Variants in CLCN4 observed in about 807,000 individuals in gnomAD.
CLCN4 encodes the protein Cl-/H+ antiporter 4.
A neutral mutation model predicts 41.7 loss-of-function variants in CLCN4; 1 was observed. The observed-to-expected ratio is 0.02, with a 90% CI of 0.01 to 0.11. CLCN4 has a LOEUF of 0.11. CLCN4 is among the 10% of genes least tolerant of loss of function. The probability of loss-of-function intolerance (pLI) is 1.00; values close to 1 mark genes in which losing one functional copy is unlikely to be tolerated. For missense variants in CLCN4, 287 were observed against 661.0 expected, an observed-to-expected ratio of 0.43 and a Z score of 6.20; for synonymous variants, 277 against 285.8, an observed-to-expected ratio of 0.97 and a Z score of 0.31.
chrX:10,169,429 G>T (rs932741143), intron 2 of CLCN4, among the ~76,000 whole-genome samples: 12 of 111,152 alleles, frequency 1.1e-4, no homozygotes, highest in African/African-American at 3.9e-4. Flanking sequence ...GATATCAGGA[G>T]GACACCTGTT....
intron 2 of CLCN4, among the ~76,000 whole-genome samples, chrX:10,168,148 C>T (rs1054876203): frequency 3.6e-5 from 4 of 112,139 alleles, no homozygotes; most frequent in African/African-American, 1.3e-4. Flanking sequence ...AAATGGGCAA[C>T]GGTCTGTATT....
intron 4 of CLCN4, among the ~76,000 whole-genome samples, chrX:10,189,790 G>A (rs1165881384): frequency 8.9e-6 from 1 of 112,117 alleles, no homozygotes; most frequent in African/African-American, 3.3e-5. Flanking sequence ...AGAAGTCACC[G>A]CTAGGTGTCA....
intron 2 of CLCN4, among the ~76,000 whole-genome samples, chrX:10,161,960 C>T (rs1362195949): frequency 4.6e-5 from 5 of 107,580 alleles, no homozygotes; most frequent in African/African-American, 1.7e-4. Context: ...GACCCGCTGA[C>T]GGTGTGAGGG....
rs923729645 is a variant in CLCN4 at position 10,205,607 on chromosome X, CTTTTTTTTT to C, written c.556-741_556-733del. ...TGGCATATTTTGGGGTGGCATATTCCTTTTTTTTTTTTTTTTTTGAAACAGGATCTTGCT... is the reference window on the plus strand; with the variant it reads ...TGGCATATTTTGGGGTGGCATATTCCTTTTTTTTTGAAACAGGATCTTGCT... On this transcript the variant is annotated intron_variant, in intron 6 of 12. Coordinates refer to ENST00000380833, the MANE Select transcript of CLCN4 (RefSeq NM_001830.4). Among the ~76,000 whole-genome samples the C allele has an allele frequency of 1.8e-3, 162 of 90,623 alleles. 1 individual carries two copies. Among genetic ancestry groups the C allele is most frequent in the Non-Finnish European group, 3.0e-3 (137 of 45,888 alleles). The allele number at this position is 90,623 out of a possible 115,157, so 78.7% of individuals were successfully genotyped here. A position where few individuals can be genotyped will look rare whatever the true frequency, so the allele number is the denominator to read the frequency against.
At chrX:10,169,787 T>TTTC (rs1395224655) in intron 2 of CLCN4, among the ~76,000 whole-genome samples, 2 of 53,168 alleles carry the variant, frequency 3.8e-5, no homozygotes, top group Admixed American at 1.9e-4. Flanking sequence ...TTTTCTTTTC[T>TTTC]TTTCTTTTTT....
intron 4 of CLCN4, among the ~76,000 whole-genome samples, chrX:10,188,969 G>A (rs5934805): frequency 0.17 from 18,386 of 111,276 alleles, 1,824 homozygotes; most frequent in East Asian, 0.82. Context: ...CTGTCTGTCC[G>A]TTTCTCCAAG....
intron 5 of CLCN4, among the ~76,000 whole-genome samples, chrX:10,196,538 C>CTTTTTTTTTTTTT (rs141362799): frequency 1.2e-5 from 1 of 80,914 alleles, no homozygotes; most frequent in African/African-American, 4.9e-5. Context: ...CCCTTCCCCA[C>CTTTTTTTTTTTTT]TTTTTTTTTT....
chrX:10,189,477 A>G (rs926881613), intron 4 of CLCN4, among the ~76,000 whole-genome samples: 2 of 111,783 alleles, frequency 1.8e-5, no homozygotes, highest in African/African-American at 6.5e-5. Context: ...CTGTGATTGT[A>G]ATGTGCAGCC....
intron 2 of CLCN4, among the ~76,000 whole-genome samples, chrX:10,168,479 A>T (rs1258623282): frequency 8.9e-6 from 1 of 112,074 alleles, no homozygotes; most frequent in Non-Finnish European, 1.9e-5. Flanking sequence ...GCAAGAGAGG[A>T]TGCAATGGGT....
chrX:10,208,979 CAGTT>C (rs1227373953), intron 9 of CLCN4, among the ~76,000 whole-genome samples: 1 of 111,481 alleles, frequency 9.0e-6, no homozygotes, highest in African/African-American at 3.3e-5. Context: ...AGGTTTGGCT[CAGTT>C]TGGCTCATTA....
At chrX:10,190,453 C>T (rs1254050810) in intron 4 of CLCN4, among the ~76,000 whole-genome samples, 1 of 110,982 alleles carries the variant, frequency 9.0e-6, no homozygotes, top group Non-Finnish European at 1.9e-5. Context: ...TTTGTTTTTC[C>T]TGTGGAAAAA....
At chrX:10,218,152 T>A (rs1924775724) in intron 11 of CLCN4, among the ~76,000 whole-genome samples, 1 of 112,124 alleles carries the variant, frequency 8.9e-6, no homozygotes, top group Non-Finnish European at 1.9e-5. Flanking sequence ...TAACTATTTT[T>A]AAAACATTTA....
rs1487692730 is a variant in CLCN4 at position 10,220,842 on chromosome X, A to G, written c.2157A>G (p.Lys719=). The G allele has an allele frequency of 2.5e-6, 3 of 1,211,865 alleles. No individual in the cohort carries two copies. The highest frequency in any genetic ancestry group is 3.4e-6 in the Non-Finnish European group (3 of 895,403). The stretch of plus-strand genomic sequence containing the variant: ...AAACGGTGGTGGATATCTTCCGGAA[A>G]CTGGGGCTTCGGCAGTGCCTGGTGA... The part of the protein sequence containing the change: ...PMETVVDIFR[K]LGLRQCLVTR... The change falls in exon 12 of 13, where the codon AAA becomes AAG. Residue 719 remains lysine (K), a synonymous_variant. Transcript: ENST00000380833.
At chrX:10,179,772 C>T (rs1923626956) in intron 2 of CLCN4, among the ~76,000 whole-genome samples, 1 of 112,520 alleles carries the variant, frequency 8.9e-6, no homozygotes, top group Non-Finnish European at 1.9e-5. Context: ...ACATGCCAGG[C>T]ACAAATTGCT....
At chrX:10,196,921 T>C (rs757144932) in intron 5 of CLCN4, among the ~76,000 whole-genome samples, 170 of 112,558 alleles carry the variant, frequency 1.5e-3, no homozygotes, top group African/African-American at 5.1e-3. Context: ...AAAGTACATA[T>C]TTAAGTGGGT....
chrX:10,205,766 C>A (rs1344187122), intron 6 of CLCN4, among the ~76,000 whole-genome samples: 3 of 108,231 alleles, frequency 2.8e-5, no homozygotes, highest in Non-Finnish European at 5.7e-5. Flanking sequence ...TGTCATCATG[C>A]CAAGCTAATT....
chrX:10,200,286 G>C (rs1409621154), intron 6 of CLCN4, among the ~76,000 whole-genome samples: 1 of 112,747 alleles, frequency 8.9e-6, no homozygotes. Flanking sequence ...GCCTCCCAAA[G>C]TGCTAGGATT....
chrX:10,211,902 A>G (rs1247078048), intron 9 of CLCN4, among the ~76,000 whole-genome samples: 1 of 112,020 alleles, frequency 8.9e-6, no homozygotes, highest in African/African-American at 3.2e-5. Flanking sequence ...CATTAGGAAG[A>G]GGGAATTGCC....
At chrX:10,227,340 T>C (rs1184483400) in intron 12 of CLCN4, among the ~76,000 whole-genome samples, 2 of 110,938 alleles carry the variant, frequency 1.8e-5, no homozygotes, top group African/African-American at 6.6e-5. Context: ...AGGCCTTCGA[T>C]AAAAATAACA....
Sources: allele counts gnomAD v4.1 joint callset (sites outside exome capture counted in the v4.1 genomes callset), GRCh38; gene constraint gnomAD v4.1.1; transcripts MANE v1.5; gene names NCBI Gene and HGNC (gene_info 2026-07-23, HGNC 2026-07-21).